ST7: variants seen among roughly 807,000 people sequenced by gnomAD.
ST7 encodes suppressor of tumorigenicity 7 protein.
Under a neutral mutation model 78.7 loss-of-function variants are expected in ST7, and 28 were observed. The ratio of observed to expected loss-of-function variants is 0.36; its 90% CI spans 0.26 to 0.49. ST7 has a LOEUF of 0.49. Among genes scored for constraint, ST7 ranks in the 20% least tolerant of loss-of-function variants. ST7 has a pLI of 0.99. For missense variants in ST7, 418 were observed against 696.0 expected, an observed-to-expected ratio of 0.60 and a Z score of 4.49; for synonymous variants, 247 against 249.6, an observed-to-expected ratio of 0.99 and a Z score of 0.10.
At chr7:116,969,605 T>C (rs1357131951) in intron 1 of ST7, among the ~76,000 whole-genome samples, 6 of 152,226 alleles carry the variant, frequency 3.9e-5, no homozygotes, top group African/African-American at 1.4e-4. Context: ...TTGCACAGGC[T>C]GCACTTAAGG....
At chr7:117,055,145 A>G (rs2116398669) in intron 1 of ST7, among the ~76,000 whole-genome samples, 1 of 152,276 alleles carries the variant, frequency 6.6e-6, no homozygotes, top group Middle Eastern at 3.4e-3. Flanking sequence ...CCTCTGTGAC[A>G]TGTGGGTACT....
chr7:117,033,977 C>T (rs1395622500), intron 1 of ST7, among the ~76,000 whole-genome samples: 1 of 152,136 alleles, frequency 6.6e-6, no homozygotes, highest in Non-Finnish European at 1.5e-5. Flanking sequence ...GGGCCTCACT[C>T]TGCACCCAGG....
intron 1 of ST7, among the ~76,000 whole-genome samples, chr7:117,061,472 T>A (rs1159640681): frequency 6.6e-6 from 1 of 152,180 alleles, no homozygotes; most frequent in Non-Finnish European, 1.5e-5. Flanking sequence ...TACAAGTAAT[T>A]TGATGCAAAT....
chr7:117,104,504 C>T (rs767099037), intron 2 of ST7, among the ~76,000 whole-genome samples: 1 of 152,156 alleles, frequency 6.6e-6, no homozygotes, highest in Non-Finnish European at 1.5e-5. Context: ...GAAAGGGGTA[C>T]TCTTGTACAC....
At chr7:117,165,558 A>T (rs1807486159) in intron 9 of ST7, among the ~76,000 whole-genome samples, 1 of 152,194 alleles carries the variant, frequency 6.6e-6, no homozygotes, top group Non-Finnish European at 1.5e-5. Context: ...TAAAGCCTTT[A>T]AAAAGTATTC....
Position 117,138,437 on chromosome 7 carries a change from C to T in ST7, c.868C>T (p.Arg290Ter), listed in dbSNP as rs1357036367. Residue 290 changes from arginine to a stop codon, truncating the protein, a stop_gained and splice_region_variant, in exon 9 of 16, where the codon CGA becomes TGA. Coordinates refer to ENST00000323984, the MANE Select transcript of ST7 (RefSeq NM_001369598.1). LOFTEE classifies it high-confidence loss of function. Reference sequence around the variant, plus strand: ...GTGTTTTATATCTCCCTCTTCAGGACGAGACACCAATGTCTTGGTGTACAT... The same window carrying T: ...GTGTTTTATATCTCCCTCTTCAGGATGAGACACCAATGTCTTGGTGTACAT... ...HGSQYEAQHR[R>*]DTNVLVYIKR... 3 of 1,594,372 alleles carry T rather than the reference C, an allele frequency of 1.9e-6. No individual in the cohort carries two copies. The highest frequency in any genetic ancestry group is 1.3e-5 in the African/African-American group (1 of 74,080).
intron 1 of ST7, among the ~76,000 whole-genome samples, chr7:116,998,629 T>C (rs185064344): frequency 1.3e-5 from 2 of 152,394 alleles, no homozygotes; most frequent in East Asian, 3.8e-4. Context: ...CATTCATTTA[T>C]ATGCCAACTA....
intron 1 of ST7, among the ~76,000 whole-genome samples, chr7:117,034,348 C>A (rs1366316438): frequency 6.6e-6 from 1 of 152,128 alleles, no homozygotes; most frequent in Admixed American, 6.5e-5. Context: ...TATTGCTTAT[C>A]CTTCCAATTG....
chr7:117,012,498 A>C (rs1488098091), intron 1 of ST7, among the ~76,000 whole-genome samples: 1 of 152,174 alleles, frequency 6.6e-6, no homozygotes, highest in Non-Finnish European at 1.5e-5. Context: ...AGGTTAATAC[A>C]TGAATTAGAA....
At chr7:117,212,443 C>T (rs1339988801) in intron 13 of ST7, among the ~76,000 whole-genome samples, 1 of 152,076 alleles carries the variant, frequency 6.6e-6, no homozygotes, top group Non-Finnish European at 1.5e-5. Context: ...TTTGGAAGCC[C>T]ACAATTGAAA....
chr7:117,122,065 A>G (rs1480801931), intron 3 of ST7, among the ~76,000 whole-genome samples: 1 of 152,206 alleles, frequency 6.6e-6, no homozygotes, highest in Non-Finnish European at 1.5e-5. Context: ...GATAGTGTAC[A>G]GACTATCAGA....
chr7:116,981,084 C>G (rs1245543344), intron 1 of ST7, among the ~76,000 whole-genome samples: 1 of 152,038 alleles, frequency 6.6e-6, no homozygotes, highest in African/African-American at 2.4e-5. Flanking sequence ...TTGTAGAATA[C>G]CATTCAATTT....
intron 9 of ST7, among the ~76,000 whole-genome samples, chr7:117,161,269 G>C (rs12333554): frequency 0.12 from 18,366 of 151,992 alleles, 2,024 homozygotes; most frequent in African/African-American, 0.29. Flanking sequence ...AAAAGTACAT[G>C]TCACAAACAC....
chr7:117,044,874 A>G (rs1236124996), intron 1 of ST7, among the ~76,000 whole-genome samples: 2 of 152,170 alleles, frequency 1.3e-5, no homozygotes, highest in Non-Finnish European at 2.9e-5. Flanking sequence ...CAGCATCTTC[A>G]GCTGGATGTC....
intron 12 of ST7, among the ~76,000 whole-genome samples, chr7:117,206,652 T>C (rs1236007335): frequency 1.3e-5 from 2 of 152,244 alleles, no homozygotes; most frequent in Admixed American, 1.3e-4. Context: ...AAATGTATTA[T>C]ATGTAGATGC....
At chr7:116,963,208 T>C (rs1248351389) in intron 1 of ST7, among the ~76,000 whole-genome samples, 1 of 152,248 alleles carries the variant, frequency 6.6e-6, no homozygotes, top group Admixed American at 6.5e-5. Context: ...TACTGTCTGT[T>C]TGTTGTAAAT....
chr7:117,027,043 G>T (rs546402941), intron 1 of ST7, among the ~76,000 whole-genome samples: 2 of 152,250 alleles, frequency 1.3e-5, no homozygotes, highest in Non-Finnish European at 1.5e-5. Flanking sequence ...GCCACTAAAG[G>T]TTGGAATGTT....
intron 9 of ST7, among the ~76,000 whole-genome samples, chr7:117,140,443 G>A (rs1208890638): frequency 6.6e-6 from 1 of 152,012 alleles, no homozygotes; most frequent in African/African-American, 2.4e-5. Flanking sequence ...TAATTGACTG[G>A]GAGAATTAAA....
intron 12 of ST7, among the ~76,000 whole-genome samples, chr7:117,201,545 T>G (rs1245040370): frequency 6.7e-6 from 1 of 148,510 alleles, no homozygotes; most frequent in Admixed American, 6.6e-5. Context: ...GCTTTTTATG[T>G]TTTTTTTGTG....
Sources: gnomAD v4.1 joint callset for allele counts (sites outside exome capture counted in the v4.1 genomes callset) on GRCh38, gnomAD v4.1.1 for gene constraint, MANE v1.5 for transcripts, NCBI Gene and HGNC (gene_info 2026-07-23, HGNC 2026-07-21) for gene names.